GLRA2: variants seen among roughly 807,000 people sequenced by gnomAD.
GLRA2 encodes the protein glycine receptor alpha 2.
In GLRA2, 11 loss-of-function variants were observed where a neutral mutation model predicts 31.6. That is an observed-to-expected ratio of 0.35 (90% CI 0.22 to 0.58). The LOEUF (loss-of-function observed/expected upper bound fraction) is 0.58, where lower values mean the gene tolerates loss of function less well. Ranked by LOEUF, GLRA2 falls within the 20% of genes least tolerant of loss-of-function variation. The pLI, the probability that GLRA2 is intolerant of heterozygous loss-of-function variation, is 0.84. For synonymous variants in GLRA2, 132 were observed against 134.0 expected, an observed-to-expected ratio of 0.99 and a Z score of 0.10; for missense variants, 212 against 351.8, an observed-to-expected ratio of 0.60 and a Z score of 3.18.
At chrX:14,521,202 A>G in the GLRA2 span, among the ~76,000 whole-genome samples, 1 of 112,266 alleles carries the variant, frequency 8.9e-6, no homozygotes, top group Non-Finnish European at 1.9e-5. Flanking sequence ...TTGGTAAAGC[A>G]TTATTTGTGG....
At chrX:14,574,103 C>T (rs760169632) in intron 2 of GLRA2, among the ~76,000 whole-genome samples, 1 of 112,066 alleles carries the variant, frequency 8.9e-6, no homozygotes, top group South Asian at 3.7e-4. Context: ...TAGTTTTCAG[C>T]TTATATTTTC....
chrX:14,687,293 C>T (rs1332408946), intron 7 of GLRA2, among the ~76,000 whole-genome samples: 1 of 111,563 alleles, frequency 9.0e-6, no homozygotes, highest in African/African-American at 3.3e-5. Flanking sequence ...TGGCGTTGCT[C>T]TTCTCGAGGA....
intron 7 of GLRA2, among the ~76,000 whole-genome samples, chrX:14,620,848 C>T (rs994112759): frequency 2.7e-5 from 3 of 111,209 alleles, no homozygotes; most frequent in African/African-American, 9.8e-5. Context: ...TTTCAAGAGC[C>T]ACTTGAAGTA....
At chrX:14,697,649 C>T (rs1214670859) in intron 8 of GLRA2, among the ~76,000 whole-genome samples, 2 of 111,032 alleles carry the variant, frequency 1.8e-5, no homozygotes, top group African/African-American at 6.6e-5. Flanking sequence ...TGGGTCACTG[C>T]TGCCCCTACT....
the GLRA2 span, among the ~76,000 whole-genome samples, chrX:14,512,905 A>G: frequency 4.5e-5 from 5 of 111,631 alleles, no homozygotes; most frequent in Non-Finnish European, 7.5e-5. Flanking sequence ...GAACAGAACT[A>G]GAAAAAAAAA....
At chrX:14,628,788 C>T (rs1276509277) in intron 7 of GLRA2, among the ~76,000 whole-genome samples, 1 of 111,686 alleles carries the variant, frequency 9.0e-6, no homozygotes, top group Non-Finnish European at 1.9e-5. Flanking sequence ...AAATGGCAAA[C>T]AGGGAGGCAC....
intron 2 of GLRA2, among the ~76,000 whole-genome samples, chrX:14,559,419 C>CTTTTTTTTTT (rs753470377): frequency 4.1e-5 from 2 of 48,577 alleles, no homozygotes; most frequent in Non-Finnish European, 6.6e-5. Context: ...GGGGCCATTT[C>CTTTTTTTTTT]TTTTTTTTTT....
At chrX:14,658,156 G>A (rs760192197) in intron 7 of GLRA2, among the ~76,000 whole-genome samples, 1 of 111,095 alleles carries the variant, frequency 9.0e-6, no homozygotes, top group African/African-American at 3.3e-5. Flanking sequence ...TTCGGCTCAA[G>A]AATCTACTCT....
intron 8 of GLRA2, among the ~76,000 whole-genome samples, chrX:14,711,819 C>A (rs2091713999): frequency 1.8e-5 from 2 of 112,410 alleles, no homozygotes; most frequent in African/African-American, 6.5e-5. Context: ...AGAGCCCAGG[C>A]TTCTCACCTT....
intron 8 of GLRA2, among the ~76,000 whole-genome samples, chrX:14,707,469 G>A (rs1485514680): frequency 3.6e-5 from 4 of 110,984 alleles, no homozygotes; most frequent in African/African-American, 1.3e-4. Flanking sequence ...CCTGCTTTTT[G>A]ACATGAGAAT....
Sources: allele counts gnomAD v4.1 joint callset (sites outside exome capture counted in the v4.1 genomes callset), GRCh38; gene constraint gnomAD v4.1.1; transcripts MANE v1.5; gene names NCBI Gene and HGNC (gene_info 2026-07-23, HGNC 2026-07-21).